DENND5B: variants seen among roughly 807,000 people sequenced by gnomAD.
DENND5B encodes the protein DENN domain containing 5B.
DENND5B carries 34 observed loss-of-function variants against 140.6 expected under a neutral mutation model. The observed-to-expected ratio is 0.24, with a 90% CI of 0.18 to 0.32. The LOEUF (loss-of-function observed/expected upper bound fraction) is 0.32. DENND5B is among the 10% of genes least tolerant of loss of function. The probability of loss-of-function intolerance (pLI) is 1.00; values close to 1 mark genes in which losing one functional copy is unlikely to be tolerated. For synonymous variants in DENND5B, 551 were observed against 562.1 expected, an observed-to-expected ratio of 0.98 and a Z score of 0.28; for missense variants, 1,142 against 1,560.2, an observed-to-expected ratio of 0.73 and a Z score of 4.52.
At chr12:31,470,431 G>T (rs756564856) in intron 3 of DENND5B, among the ~76,000 whole-genome samples, 27 of 151,548 alleles carry the variant, frequency 1.8e-4, no homozygotes, top group Non-Finnish European at 3.4e-4. Flanking sequence ...TAATTTTTTT[G>T]TAGAGACGGG....
chr12:31,436,873 A>G (rs1229651515), intron 7 of DENND5B, among the ~76,000 whole-genome samples: 2 of 152,056 alleles, frequency 1.3e-5, no homozygotes, highest in African/African-American at 2.4e-5. Context: ...TTCCAATGAA[A>G]TAAGTTCTGT....
intron 1 of DENND5B, among the ~76,000 whole-genome samples, chr12:31,588,550 A>G (rs1033058086): frequency 6.6e-6 from 1 of 152,232 alleles, no homozygotes; most frequent in Non-Finnish European, 1.5e-5. Flanking sequence ...AACTATTTAC[A>G]TAACATTACA....
intron 1 of DENND5B, among the ~76,000 whole-genome samples, chr12:31,522,160 T>C (rs902838303): frequency 1.3e-5 from 2 of 152,206 alleles, no homozygotes; most frequent in African/African-American, 2.4e-5. Context: ...CAGAGTTACA[T>C]TCTCAGTGAA....
In DENND5B at chr12:31,387,228, A is replaced by G. The variant is rs138085124; in HGVS notation, c.*375T>C. Reference sequence around the variant, plus strand: ...AAAAAAAGCCCGACTGGGTTGCACTATATTTACATGTTTACTGGCTTCTTC... The same window carrying G: ...AAAAAAAGCCCGACTGGGTTGCACTGTATTTACATGTTTACTGGCTTCTTC... On this transcript the variant is annotated 3_prime_UTR_variant, in exon 21 of 21. Transcript: ENST00000389082. 5.5e-5 allele frequency: 9 copies of G among 164,850 alleles called. No homozygotes were observed. In the East Asian group the frequency reaches 1.6e-3, roughly 28 times the overall value. The allele number at this position is 164,850 out of a possible 1,614,324, so 10.2% of individuals were successfully genotyped here. A position where few individuals can be genotyped will look rare whatever the true frequency, so the allele number is the denominator to read the frequency against.
rs144059468 is a variant in DENND5B, at chr12:31,438,394, A to G, written c.2012+4381T>C. Among the ~76,000 whole-genome samples the G allele has an allele frequency of 2.2e-3, 334 of 152,272 alleles. 3 individuals are homozygous for G. Among genetic ancestry groups the G allele is most frequent in the African/African-American group, 7.3e-3 (302 of 41,570 alleles). On this transcript the variant is annotated intron_variant, in intron 7 of 20. Coordinates refer to ENST00000389082, the MANE Select transcript of DENND5B (RefSeq NM_144973.4). ...CCTAAGAATACTTACTCTTTTTACA[A>G]TGGTATCAAGGAAGGTAGCCCCTCT...
intron 1 of DENND5B, among the ~76,000 whole-genome samples, chr12:31,555,719 G>A (rs921364524): frequency 2.6e-5 from 4 of 152,178 alleles, no homozygotes; most frequent in Non-Finnish European, 4.4e-5. Context: ...CTTCCTGGCC[G>A]CTTTGTTTAC....
rs918873194 is a variant in DENND5B at position 31,398,980 on chromosome 12, G to A, written c.3069-618C>T. Among the ~76,000 whole-genome samples the A allele has an allele frequency of 3.3e-5, 5 of 151,518 alleles. No homozygotes were observed. The East Asian group carries it at 9.9e-4, about 30-fold the overall frequency. ...CTACTAAAAATACAGAAATTAGCCG[G>A]GCGTGGTGGCAGGTACCTGTAATCC... is the stretch of plus-strand genomic sequence containing the variant. On this transcript the variant is annotated intron_variant, in intron 16 of 20. Coordinates refer to ENST00000389082, the MANE Select transcript of DENND5B (RefSeq NM_144973.4).
At chr12:31,559,728 A>G (rs2139317641) in intron 1 of DENND5B, among the ~76,000 whole-genome samples, 1 of 152,270 alleles carries the variant, frequency 6.6e-6, no homozygotes, top group East Asian at 1.9e-4. Flanking sequence ...GAAATAAAAG[A>G]AAAAAGAAAA....
intron 1 of DENND5B, among the ~76,000 whole-genome samples, chr12:31,554,541 C>T (rs973466590): frequency 6.6e-6 from 1 of 152,106 alleles, no homozygotes; most frequent in Non-Finnish European, 1.5e-5. Flanking sequence ...AATTATGTGT[C>T]TTGGAGTTGC....
At chr12:31,406,713 T>G (rs1018275601) in intron 14 of DENND5B, among the ~76,000 whole-genome samples, 4 of 152,184 alleles carry the variant, frequency 2.6e-5, no homozygotes, top group African/African-American at 9.6e-5. Context: ...AAAAATTTCT[T>G]TCATGAAGAA....
At chr12:31,401,305 T>A (rs940319380) in intron 15 of DENND5B, among the ~76,000 whole-genome samples, 1 of 152,014 alleles carries the variant, frequency 6.6e-6, no homozygotes, top group African/African-American at 2.4e-5. Context: ...TGATGGGGGT[T>A]TTAATGTACT....
intron 3 of DENND5B, among the ~76,000 whole-genome samples, chr12:31,470,240 G>A (rs186521115): frequency 6.8e-6 from 1 of 147,978 alleles, no homozygotes; most frequent in South Asian, 2.2e-4. Flanking sequence ...TCAGCCTCCC[G>A]AGTAGCTGGG....
chr12:31,532,014 G>A (rs959549816), intron 1 of DENND5B, among the ~76,000 whole-genome samples: 1 of 152,124 alleles, frequency 6.6e-6, no homozygotes, highest in Non-Finnish European at 1.5e-5. Flanking sequence ...TACACCAGGG[G>A]ACAAAAAATA....
intron 14 of DENND5B, among the ~76,000 whole-genome samples, chr12:31,404,608 C>T (rs1205816233): frequency 2.0e-5 from 3 of 151,906 alleles, no homozygotes; most frequent in African/African-American, 7.3e-5. Context: ...CGTCTGCCAC[C>T]TCGCCCAGCT....
At chr12:31,554,502 T>G (rs1208635908) in intron 1 of DENND5B, among the ~76,000 whole-genome samples, 1 of 152,210 alleles carries the variant, frequency 6.6e-6, no homozygotes, top group African/African-American at 2.4e-5. Flanking sequence ...TAACATTTTT[T>G]CCTTCATTTC....
chr12:31,420,360 C>T (rs1942962590), intron 11 of DENND5B, among the ~76,000 whole-genome samples: 1 of 152,018 alleles, frequency 6.6e-6, no homozygotes, highest in South Asian at 2.1e-4. Context: ...TGGTCTCAAA[C>T]TCCTGGGCTC....
intron 8 of DENND5B, among the ~76,000 whole-genome samples, chr12:31,431,706 G>A (rs1237901473): frequency 6.6e-6 from 1 of 152,116 alleles, no homozygotes; most frequent in African/African-American, 2.4e-5. Context: ...TCTGGAAAAC[G>A]CTTAAATAAA....
intron 3 of DENND5B, among the ~76,000 whole-genome samples, chr12:31,472,851 C>T (rs1042614263): frequency 2.6e-5 from 4 of 152,060 alleles, no homozygotes; most frequent in African/African-American, 9.7e-5. Flanking sequence ...ACCTAATGCA[C>T]AGGAGTGGGT....
At chr12:31,414,958 C>A (rs561276427) in intron 12 of DENND5B, among the ~76,000 whole-genome samples, 3 of 146,132 alleles carry the variant, frequency 2.1e-5, no homozygotes, top group East Asian at 2.0e-4. Flanking sequence ...TACTAAAAAT[C>A]AAAAAAATTA....
Sources: allele counts gnomAD v4.1 joint callset (sites outside exome capture counted in the v4.1 genomes callset), GRCh38; gene constraint gnomAD v4.1.1; transcripts MANE v1.5; gene names NCBI Gene and HGNC (gene_info 2026-07-23, HGNC 2026-07-21).